Variants in EPHA3 observed in about 807,000 individuals in gnomAD.
EPHA3 encodes EPH receptor A3, also known as ephrin type-A receptor 3.
A neutral mutation model predicts 107.1 loss-of-function variants in EPHA3; 42 were observed. The observed-to-expected ratio is 0.39, with a 90% confidence interval of 0.31 to 0.51. The LOEUF is 0.51. EPHA3 is among the 20% of genes least tolerant of loss of function. The pLI is 0.78. For missense variants in EPHA3, 1,183 were observed against 1,211.2 expected (o/e 0.98, Z 0.35); for synonymous variants, 461 against 424.8 (o/e 1.09, Z -1.05).
At chr3:89,327,995 G>A (rs956719909) in intron 3 of EPHA3, among the ~76,000 whole-genome samples, 1 of 151,978 alleles carries the variant, frequency 6.6e-6, no homozygotes, top group Admixed American at 6.6e-5. Context: ...CTATTTAGGA[G>A]GCTGAGGCAG....
intron 3 of EPHA3, among the ~76,000 whole-genome samples, chr3:89,266,342 A>C (rs1435450007): frequency 6.6e-6 from 1 of 152,140 alleles, no homozygotes; most frequent in South Asian, 2.1e-4. Flanking sequence ...CCTTACAGCC[A>C]TCATGTTCAT....
Position 89,264,249 on chromosome 3 carries a change from T to G in EPHA3, c.814+53729T>G, listed in dbSNP as rs376923121. On this transcript the variant is annotated intron_variant, in intron 3 of 16. Coordinates refer to ENST00000336596, the MANE Select transcript of EPHA3 (RefSeq NM_005233.6). Reference sequence around the variant, plus strand: ...TTCCTAAACACAATGCTGGGATAAGTATAGGATAGGCATTCTCATTCTCAT... The same window carrying G: ...TTCCTAAACACAATGCTGGGATAAGGATAGGATAGGCATTCTCATTCTCAT... 2.2e-4 allele frequency among the ~76,000 whole-genome samples: 33 copies of G among 152,238 alleles called. No individual in the cohort carries two copies. In the East Asian group the frequency reaches 3.9e-3, roughly 18 times the overall value.
At chr3:89,298,072 T>C (rs1468400832) in intron 3 of EPHA3, among the ~76,000 whole-genome samples, 1 of 152,022 alleles carries the variant, frequency 6.6e-6, no homozygotes, top group Non-Finnish European at 1.5e-5. Flanking sequence ...AACATCCACC[T>C]AACGCCCCAT....
At chr3:89,447,025 T>A (rs1044283481) in intron 13 of EPHA3, among the ~76,000 whole-genome samples, 1 of 152,202 alleles carries the variant, frequency 6.6e-6, no homozygotes, top group Non-Finnish European at 1.5e-5. Flanking sequence ...ATGATTCCAT[T>A]TGGCATCCTG....
intron 2 of EPHA3, among the ~76,000 whole-genome samples, chr3:89,160,649 A>G (rs896040510): frequency 6.6e-6 from 1 of 151,048 alleles, no homozygotes; most frequent in Non-Finnish European, 1.5e-5. Flanking sequence ...GTTGTACAGC[A>G]AACTTGTATC....
At chr3:89,323,210 T>G (rs1320430771) in intron 3 of EPHA3, among the ~76,000 whole-genome samples, 1 of 152,140 alleles carries the variant, frequency 6.6e-6, no homozygotes, top group African/African-American at 2.4e-5. Context: ...CATTTATTTA[T>G]ATAAATGTGT....
At chr3:89,208,558 G>T (rs1376588472) in intron 2 of EPHA3, among the ~76,000 whole-genome samples, 3 of 140,160 alleles carry the variant, frequency 2.1e-5, no homozygotes, top group Non-Finnish European at 4.7e-5. Flanking sequence ...GAGAAAGAAA[G>T]AAAGATAAAA....
At chr3:89,352,196 T>C (rs1187676515) in intron 5 of EPHA3, among the ~76,000 whole-genome samples, 1 of 151,390 alleles carries the variant, frequency 6.6e-6, no homozygotes, top group East Asian at 1.9e-4. Flanking sequence ...ACCTCTATTA[T>C]CTACTTAATT....
chr3:89,476,139 T>TTA (rs1369506287), intron 16 of EPHA3, among the ~76,000 whole-genome samples: 1 of 147,464 alleles, frequency 6.8e-6, no homozygotes, highest in East Asian at 1.9e-4. Flanking sequence ...ATATTATATA[T>TTA]TATATATAAT....
intron 3 of EPHA3, among the ~76,000 whole-genome samples, chr3:89,217,278 C>A (rs895270294): frequency 3.9e-5 from 6 of 152,140 alleles, no homozygotes; most frequent in African/African-American, 1.4e-4. Flanking sequence ...ACTAGAAAAG[C>A]TGCATATATG....
intron 3 of EPHA3, among the ~76,000 whole-genome samples, chr3:89,257,205 A>C (rs1705306280): frequency 6.6e-6 from 1 of 152,158 alleles, no homozygotes; most frequent in Non-Finnish European, 1.5e-5. Flanking sequence ...AGACCAAAAC[A>C]CTTGAGGCAT....
intron 3 of EPHA3, among the ~76,000 whole-genome samples, chr3:89,261,874 G>T (rs1403192439): frequency 2.0e-5 from 3 of 150,606 alleles, no homozygotes; most frequent in African/African-American, 7.3e-5. Context: ...GGCAAAAACC[G>T]CAATGAATTT....
chr3:89,151,398 G>T (rs1416870203), intron 2 of EPHA3, among the ~76,000 whole-genome samples: 2 of 152,040 alleles, frequency 1.3e-5, no homozygotes, highest in African/African-American at 4.8e-5. Flanking sequence ...TAACTGAAGG[G>T]ACATAAGTAG....
intron 2 of EPHA3, among the ~76,000 whole-genome samples, chr3:89,199,600 A>T (rs998543160): frequency 3.3e-5 from 5 of 152,038 alleles, no homozygotes; most frequent in Admixed American, 6.6e-5. Flanking sequence ...TAATTTTTGA[A>T]TTTTTTTATT....
chr3:89,420,854 C>T (rs760484175), intron 11 of EPHA3, among the ~76,000 whole-genome samples: 17 of 151,440 alleles, frequency 1.1e-4, no homozygotes, highest in Non-Finnish European at 2.1e-4. Context: ...TCAATTTTTA[C>T]AAGTTTTTCA....
At chr3:89,312,680 C>A (rs541041230) in intron 3 of EPHA3, among the ~76,000 whole-genome samples, 1 of 151,792 alleles carries the variant, frequency 6.6e-6, no homozygotes, top group East Asian at 1.9e-4. Flanking sequence ...ATTTCATCAC[C>A]CAGGTATTAA....
intron 3 of EPHA3, among the ~76,000 whole-genome samples, chr3:89,329,716 A>C (rs796840057): frequency 3.3e-5 from 5 of 152,238 alleles, no homozygotes; most frequent in African/African-American, 1.2e-4. Context: ...GTTATAGTGC[A>C]TCTTGAAGTT....
intron 3 of EPHA3, among the ~76,000 whole-genome samples, chr3:89,267,970 C>G (rs1359903436): frequency 6.6e-6 from 1 of 152,098 alleles, no homozygotes. Flanking sequence ...TGATTTGAAG[C>G]TCTCTTTGCT....
At chr3:89,250,517 T>C (rs540108353) in intron 3 of EPHA3, among the ~76,000 whole-genome samples, 12 of 152,220 alleles carry the variant, frequency 7.9e-5, no homozygotes, top group Non-Finnish European at 1.8e-4. Context: ...CTTAATTAAG[T>C]CTTCATTCTA....
Sources: gnomAD v4.1 joint callset for allele counts (sites outside exome capture counted in the v4.1 genomes callset) on GRCh38, gnomAD v4.1.1 for gene constraint, MANE v1.5 for transcripts, NCBI Gene and HGNC (gene_info 2026-07-23, HGNC 2026-07-21) for gene names.